The following CFAP47 variants were observed in gnomAD, a reference collection of about 807,000 sequenced individuals.
CFAP47 encodes cilia- and flagella-associated protein 47.
CFAP47 carries 29 observed loss-of-function variants against 148.1 expected under a neutral mutation model. That is an observed-to-expected ratio of 0.20 (90% confidence interval 0.15 to 0.27). The LOEUF (loss-of-function observed/expected upper bound fraction) is 0.27. Ranked by LOEUF, CFAP47 falls within the 10% of genes least tolerant of loss-of-function variation. CFAP47 has a pLI of 1.00. For missense variants in CFAP47, 1,872 were observed against 1,697.5 expected, an observed-to-expected ratio of 1.10 and a Z score of -1.81; for synonymous variants, 664 against 577.3, an observed-to-expected ratio of 1.15 and a Z score of -2.15.
intron 35 of CFAP47, among the ~76,000 whole-genome samples, chrX:36,144,202 T>C (rs1939192130): frequency 8.9e-6 from 1 of 112,023 alleles, no homozygotes; most frequent in Non-Finnish European, 1.9e-5. Flanking sequence ...CTTGCCATCT[T>C]TAACTTCAGG....
At chrX:36,235,781 A>G (rs782382071) in intron 46 of CFAP47, among the ~76,000 whole-genome samples, 153 bp from the exon 47 acceptor site, 1 of 112,569 alleles carries the variant, frequency 8.9e-6, no homozygotes, top group Admixed American at 9.4e-5. Context: ...ATCGATATTT[A>G]TTCTTAACAA....
chrX:36,340,759 A>G (rs1424965631), intron 57 of CFAP47, among the ~76,000 whole-genome samples: 1 of 111,237 alleles, frequency 9.0e-6, no homozygotes, highest in Non-Finnish European at 1.9e-5. Flanking sequence ...ACATCTAGGA[A>G]GAACAAATTA....
intron 25 of CFAP47, among the ~76,000 whole-genome samples, chrX:36,045,470 G>A (rs191369901): frequency 9.0e-6 from 1 of 111,498 alleles, no homozygotes; most frequent in East Asian, 2.8e-4. Flanking sequence ...GTCACCCAAG[G>A]CCCTCAATGT....
chrX:36,158,557 G>A (rs1169959915), intron 37 of CFAP47, among the ~76,000 whole-genome samples: 2 of 112,135 alleles, frequency 1.8e-5, no homozygotes, highest in African/African-American at 6.5e-5. Context: ...AATTTGTGCT[G>A]TCATTAAGCT....
At chrX:36,304,337 G>A (rs1941327877) in intron 54 of CFAP47, among the ~76,000 whole-genome samples, 1 of 107,992 alleles carries the variant, frequency 9.3e-6, no homozygotes, top group Non-Finnish European at 1.9e-5. Flanking sequence ...AGCTGAGATC[G>A]TGCCACTGCC....
At chrX:36,378,406 C>T (rs1451012322) in intron 62 of CFAP47, among the ~76,000 whole-genome samples, 2 of 111,938 alleles carry the variant, frequency 1.8e-5, no homozygotes, top group Admixed American at 9.5e-5. Context: ...GGAATAGAAA[C>T]GGAAACAAAA....
At chrX:36,004,402 T>G (rs781537740) in intron 21 of CFAP47, among the ~76,000 whole-genome samples, 7 of 111,319 alleles carry the variant, frequency 6.3e-5, no homozygotes, top group African/African-American at 2.3e-4. Context: ...GAGGTATATT[T>G]CTTCCCAAAA....
At chrX:36,177,835 A>G (rs1939704321) in intron 39 of CFAP47, among the ~76,000 whole-genome samples, 1 of 111,940 alleles carries the variant, frequency 8.9e-6, no homozygotes, top group South Asian at 3.7e-4. Context: ...TAGTGGGTAT[A>G]TACCCAAAGA....
rs755039663 is a variant in CFAP47 at position 36,000,673 on chromosome X, CTAAGT to C, written c.3322+252_3322+256del. 6.3e-3 allele frequency among the ~76,000 whole-genome samples: 699 copies of C among 111,376 alleles called. 3 individuals are homozygous for C. The highest frequency in any genetic ancestry group is 0.02 in the African/African-American group (622 of 30,688). On this transcript the variant is annotated intron_variant, in intron 20 of 63. Coordinates refer to ENST00000378653, the MANE Select transcript of CFAP47 (RefSeq NM_001304548.2). ...CGTTCTTATTAGTGTGTTAAATATG[CTAAGT>C]TAAGTATGTTATATATAAGTATATG...
intron 48 of CFAP47, among the ~76,000 whole-genome samples, chrX:36,238,104 G>C (rs920845495): frequency 9.1e-6 from 1 of 109,949 alleles, no homozygotes; most frequent in Non-Finnish European, 1.9e-5. Flanking sequence ...GATATGGTTT[G>C]GTTGTGTCCC....
chrX:36,284,517 T>C (rs1463389503), intron 50 of CFAP47, among the ~76,000 whole-genome samples: 1 of 111,355 alleles, frequency 9.0e-6, no homozygotes, highest in Admixed American at 9.6e-5. Flanking sequence ...TAAAATACAA[T>C]GTCATGCAAT....
intron 29 of CFAP47, among the ~76,000 whole-genome samples, chrX:36,079,751 T>C (rs1303705417): frequency 9.0e-6 from 1 of 111,699 alleles, no homozygotes; most frequent in Non-Finnish European, 1.9e-5. Flanking sequence ...ACTGGATCCC[T>C]TCCTTACACC....
At chrX:36,070,771 C>T (rs1433050436) in intron 27 of CFAP47, among the ~76,000 whole-genome samples, 3 of 111,580 alleles carry the variant, frequency 2.7e-5, no homozygotes, top group Admixed American at 9.5e-5. Context: ...GGATTATAGG[C>T]GTGAGCCACC....
chrX:36,372,059 C>T (rs1556022058), intron 62 of CFAP47, among the ~76,000 whole-genome samples: 1 of 104,840 alleles, frequency 9.5e-6, no homozygotes, highest in African/African-American at 3.5e-5. Flanking sequence ...TATATAAACA[C>T]ACAGCTAAAT....
chrX:36,058,295 G>A (rs1990049345), intron 26 of CFAP47, among the ~76,000 whole-genome samples: 1 of 111,507 alleles, frequency 9.0e-6, no homozygotes, highest in African/African-American at 3.3e-5. Flanking sequence ...AAACTCTAAA[G>A]TAAAATGTAA....
Position 36,226,612 on chromosome X carries a change from A to G in CFAP47, c.6818-2016A>G, listed in dbSNP as rs891749921. 5.8e-4 allele frequency among the ~76,000 whole-genome samples: 65 copies of G among 111,692 alleles called. 3 individuals carry two copies. Among genetic ancestry groups the G allele is most frequent in the Admixed American group, 3.5e-3 (37 of 10,429 alleles). ...AATTTCCACAAATTCCACTATTATA[A>G]TGATTTACTTTTTGGATTTGTAAGA... is the stretch of plus-strand genomic sequence containing the variant. On this transcript the variant is annotated intron_variant, in intron 45 of 63. Transcript: ENST00000378653.
intron 32 of CFAP47, among the ~76,000 whole-genome samples, chrX:36,100,214 C>T (rs181448690): frequency 4.5e-5 from 5 of 111,505 alleles, no homozygotes; most frequent in African/African-American, 1.6e-4. Flanking sequence ...AGGCAGAATT[C>T]AGTCATACAG....
intron 18 of CFAP47, among the ~76,000 whole-genome samples, chrX:35,995,373 C>T (rs61392515): frequency 2.9e-4 from 32 of 111,456 alleles, no homozygotes; most frequent in African/African-American, 9.8e-4. Flanking sequence ...GTTTTAACTA[C>T]GGGGATTTCA....
intron 33 of CFAP47, among the ~76,000 whole-genome samples, chrX:36,130,149 A>G (rs1330835102): frequency 3.6e-5 from 4 of 111,467 alleles, no homozygotes; most frequent in Non-Finnish European, 7.6e-5. Flanking sequence ...CAGAAATGGG[A>G]GAAAACATTT....
Sources: gnomAD v4.1 joint callset for allele counts (sites outside exome capture counted in the v4.1 genomes callset) on GRCh38, gnomAD v4.1.1 for gene constraint, MANE v1.5 for transcripts, NCBI Gene and HGNC (gene_info 2026-07-23, HGNC 2026-07-21) for gene names.